RBM19: variants seen among roughly 807,000 people sequenced by gnomAD.
The protein encoded by RBM19 is probable RNA-binding protein 19.
Under a neutral mutation model 116.8 loss-of-function variants are expected in RBM19, and 94 were observed. The ratio of observed to expected loss-of-function variants is 0.80; its 90% CI spans 0.68 to 0.95. RBM19 has a LOEUF of 0.95. Ranked by LOEUF, RBM19 falls within the 40% of genes least tolerant of loss-of-function variation. RBM19 has a pLI of 0.00. For synonymous variants in RBM19, 475 were observed against 494.1 expected (o/e 0.96, Z 0.51); for missense variants, 1,161 against 1,220.7 (o/e 0.95, Z 0.73).
At position 113,894,271 on chromosome 12, in the gene RBM19, T is replaced by G. The variant is rs114880292; in HGVS notation, c.2558+20698A>C. 5.0e-3 allele frequency among the ~76,000 whole-genome samples: 757 copies of G among 152,318 alleles called. 4 individuals carry two copies. Among genetic ancestry groups the G allele is most frequent in the African/African-American group, 0.016 (681 of 41,552 alleles). On this transcript the variant is annotated intron_variant, in intron 21 of 23. Coordinates refer to ENST00000261741, the MANE Select transcript of RBM19 (RefSeq NM_016196.4). ...TCCTGTTCCACAACAGGGCAGTATG[T>G]GTGCAGTAACATTCAAAAAATAAGT... is the stretch of plus-strand genomic sequence containing the variant.
chr12:113,842,953 T>A (rs1013280146), intron 23 of RBM19, among the ~76,000 whole-genome samples: 1 of 152,044 alleles, frequency 6.6e-6, no homozygotes, highest in Non-Finnish European at 1.5e-5. Context: ...AAGACCACAG[T>A]GTGGGCAGGA....
chr12:113,921,636 C>T (rs917850823), intron 18 of RBM19, among the ~76,000 whole-genome samples: 3 of 152,162 alleles, frequency 2.0e-5, no homozygotes, highest in Non-Finnish European at 4.4e-5. Flanking sequence ...CCATTAATTG[C>T]CCATACATGG....
At chr12:113,859,329 C>A (rs1337739330) in intron 21 of RBM19, among the ~76,000 whole-genome samples, 1 of 152,192 alleles carries the variant, frequency 6.6e-6, no homozygotes, top group Non-Finnish European at 1.5e-5. Context: ...GTTGCCTGAC[C>A]TTTCCAAACT....
intron 21 of RBM19, among the ~76,000 whole-genome samples, chr12:113,882,411 C>T (rs16943344): frequency 0.044 from 6,711 of 152,294 alleles, 362 homozygotes; most frequent in Admixed American, 0.15. Flanking sequence ...CTCTGTAAAC[C>T]TTAAAGCATG....
chr12:113,866,232 AC>A (rs1282652210), intron 21 of RBM19, among the ~76,000 whole-genome samples: 1 of 152,044 alleles, frequency 6.6e-6, no homozygotes, highest in African/African-American at 2.4e-5. Flanking sequence ...TAGAAAGGTT[AC>A]CTTATCACCA....
chr12:113,919,071 A>C (rs1343097037), intron 19 of RBM19, among the ~76,000 whole-genome samples: 1 of 152,216 alleles, frequency 6.6e-6, no homozygotes, highest in African/African-American at 2.4e-5. Context: ...AGAAACACGG[A>C]CCACTGAACC....
intron 23 of RBM19, among the ~76,000 whole-genome samples, chr12:113,832,988 GGCTTTAAATA>G (rs1185333973): frequency 1.3e-5 from 2 of 152,124 alleles, no homozygotes; most frequent in Admixed American, 6.5e-5. Context: ...AACTCTTGCA[GGCTTTAAATA>G]TCATCTGTCT....
chr12:113,891,658 T>A (rs913197915), intron 21 of RBM19, among the ~76,000 whole-genome samples: 2 of 152,154 alleles, frequency 1.3e-5, no homozygotes, highest in African/African-American at 4.8e-5. Flanking sequence ...TTAAAAAAAA[T>A]TCACTGACTT....
chr12:113,964,355 C>G (rs926378469), intron 1 of RBM19, among the ~76,000 whole-genome samples: 1 of 152,218 alleles, frequency 6.6e-6, no homozygotes, highest in Non-Finnish European at 1.5e-5. Context: ...TTACCTAAAG[C>G]ACCTGGAACA....
Position 113,955,031 on chromosome 12 carries a change from A to G in RBM19, c.921+100T>C, listed in dbSNP as rs1871791014. The stretch of plus-strand genomic sequence containing the variant: ...CCAATTCCTTCCAGCTCATGTCCTC[A>G]ACCGACTCTAATGCCCCCATGCACC... On this transcript the variant is annotated intron_variant, in intron 7 of 23. Transcript: ENST00000261741. The G allele has an allele frequency of 1.6e-5, 19 of 1,176,092 alleles. No individual in the cohort carries two copies. In the South Asian group the frequency reaches 2.4e-4, roughly 15 times the overall value. 72.9% of individuals were successfully genotyped at this position (1,176,092 alleles called of 1,614,324 possible).
chr12:113,875,472 G>A (rs574796096), intron 21 of RBM19, among the ~76,000 whole-genome samples: 16 of 152,322 alleles, frequency 1.1e-4, no homozygotes, highest in Middle Eastern at 3.4e-3. Flanking sequence ...GTCCAGGACC[G>A]AGAGGAATGG....
intron 16 of RBM19, among the ~76,000 whole-genome samples, chr12:113,929,517 C>T (rs1271259785): frequency 6.6e-6 from 1 of 152,154 alleles, no homozygotes; most frequent in Non-Finnish European, 1.5e-5. Context: ...TACTTAAAAC[C>T]CAACTTTCAA....
chr12:113,879,846 C>T (rs1420796088), intron 21 of RBM19, among the ~76,000 whole-genome samples: 1 of 152,038 alleles, frequency 6.6e-6, no homozygotes, highest in Non-Finnish European at 1.5e-5. Context: ...TTGTCCTTTT[C>T]CCAGATGCCC....
intron 21 of RBM19, among the ~76,000 whole-genome samples, chr12:113,896,339 G>A (rs535168861): frequency 2.4e-4 from 37 of 152,258 alleles, no homozygotes; most frequent in African/African-American, 8.4e-4. Context: ...GCCCCATCAC[G>A]TGAGGTGCTT....
chr12:113,913,429 C>A (rs550318474), intron 21 of RBM19, among the ~76,000 whole-genome samples: 1 of 152,290 alleles, frequency 6.6e-6, no homozygotes, highest in South Asian at 2.1e-4. Flanking sequence ...GTGCAGGATA[C>A]CCGGAGATCA....
chr12:113,940,128 C>G lies in RBM19; in HGVS notation c.1770G>C (p.Leu590=). 1.2e-6 allele frequency: 2 copies of G among 1,614,096 alleles called. No homozygotes were observed. Among genetic ancestry groups the G allele is most frequent in the African/African-American group, 1.3e-5 (1 of 75,078 alleles). Residue 590 remains leucine, a synonymous_variant, in exon 15 of 24, where the codon CTG becomes CTC. Coordinates refer to ENST00000261741, the MANE Select transcript of RBM19 (RefSeq NM_016196.4). The part of the protein sequence containing the change: ...AAAERSKTVI[L]VKNLPAGTLA... The stretch of plus-strand genomic sequence containing the variant: ...GGGTGCCTGCCGGGAGGTTCTTGAC[C>G]AGAATCACAGTCTTGCTTCGCTCTG...
At chr12:113,891,975 A>C (rs953651936) in intron 21 of RBM19, among the ~76,000 whole-genome samples, 1 of 152,090 alleles carries the variant, frequency 6.6e-6, no homozygotes, top group Non-Finnish European at 1.5e-5. Flanking sequence ...TGTATGTGAC[A>C]ACGCACATCC....
At chr12:113,834,996 C>T (rs1263789775) in intron 23 of RBM19, among the ~76,000 whole-genome samples, 1 of 152,144 alleles carries the variant, frequency 6.6e-6, no homozygotes, top group Non-Finnish European at 1.5e-5. Context: ...CTGATTTGAT[C>T]TTTATAAGAA....
chr12:113,943,135 C>T (rs192370876), intron 13 of RBM19, among the ~76,000 whole-genome samples: 324 of 152,324 alleles, frequency 2.1e-3, no homozygotes, highest in Middle Eastern at 0.014. Context: ...CTGACCAGCC[C>T]ACCCTTGCGG....
Sources: gnomAD v4.1 joint callset for allele counts (sites outside exome capture counted in the v4.1 genomes callset) on GRCh38, gnomAD v4.1.1 for gene constraint, MANE v1.5 for transcripts, NCBI Gene and HGNC (gene_info 2026-07-23, HGNC 2026-07-21) for gene names.